The following CSMD1 variants were observed in gnomAD, a reference collection of about 807,000 sequenced individuals.
The protein encoded by CSMD1 is CUB and Sushi multiple domains 1, also known as CUB and sushi domain-containing protein 1.
A neutral mutation model predicts 417.5 loss-of-function variants in CSMD1; 213 were observed. The observed-to-expected ratio is 0.51, with a 90% CI of 0.46 to 0.57. CSMD1 has a LOEUF of 0.57. Among genes scored for constraint, CSMD1 ranks in the 20% least tolerant of loss-of-function variants. The pLI is 0.00. For synonymous variants in CSMD1, 2,862 were observed against 1,736.8 expected, an observed-to-expected ratio of 1.65 and a Z score of -16.11; for missense variants, 6,923 against 4,529.7, an observed-to-expected ratio of 1.53 and a Z score of -15.17.
At chr8:2,998,221 G>A (rs766951899) in intron 53 of CSMD1, 37 bp from the exon 54 acceptor site, 9 of 1,597,876 alleles carry the variant, frequency 5.6e-6, no homozygotes, top group Non-Finnish European at 7.7e-6. Context: ...GTTAAATATT[G>A]AACAGGTCAT....
In CSMD1 at chr8:2,965,973, G is replaced by C. The variant is rs1452899362; in HGVS notation, c.9101-19C>G. On this transcript the variant is annotated intron_variant, in intron 58 of 69. Coordinates refer to ENST00000635120, the MANE Select transcript of CSMD1 (RefSeq NM_033225.6). ...CTTATAACTAATAAACAGGGAACAG[G>C]AAAGAATCAGAGAAATTCATTTACC... 2.5e-6 allele frequency: 4 copies of C among 1,575,712 alleles called. No individual in the cohort carries two copies. The highest frequency in any genetic ancestry group is 3.5e-6 in the Non-Finnish European group (4 of 1,156,564).
chr8:4,973,789 T>G (rs1810383037), intron 1 of CSMD1, among the ~76,000 whole-genome samples: 1 of 152,214 alleles, frequency 6.6e-6, no homozygotes, highest in Admixed American at 6.5e-5. Context: ...ACTTAGAATT[T>G]TATGTAATAA....
At chr8:4,097,748 T>C (rs746493729) in intron 3 of CSMD1, among the ~76,000 whole-genome samples, 5 of 152,204 alleles carry the variant, frequency 3.3e-5, no homozygotes, top group Non-Finnish European at 7.3e-5. Context: ...AAATTCAGTG[T>C]AGTTGTCAAA....
chr8:3,172,507 G>C (rs907038298), intron 37 of CSMD1, among the ~76,000 whole-genome samples: 1 of 152,138 alleles, frequency 6.6e-6, no homozygotes, highest in African/African-American at 2.4e-5. Flanking sequence ...CCCACCTCAA[G>C]AATTTAAATT....
At chr8:4,363,295 C>G (rs1327131024) in intron 3 of CSMD1, among the ~76,000 whole-genome samples, 2 of 152,194 alleles carry the variant, frequency 1.3e-5, no homozygotes, top group Non-Finnish European at 2.9e-5. Flanking sequence ...GTTTTTCCCT[C>G]CTGCCCGTCA....
intron 1 of CSMD1, among the ~76,000 whole-genome samples, chr8:4,759,414 A>C (rs1480617136): frequency 6.6e-6 from 1 of 152,182 alleles, no homozygotes; most frequent in African/African-American, 2.4e-5. Flanking sequence ...TCTCTGAAAA[A>C]ATTTTAAGTT....
intron 5 of CSMD1, among the ~76,000 whole-genome samples, chr8:3,785,394 G>T (rs1046669634): frequency 2.6e-5 from 4 of 152,148 alleles, no homozygotes; most frequent in African/African-American, 9.7e-5. Flanking sequence ...GCCATCAAGG[G>T]TCTGTTCTGG....
intron 5 of CSMD1, among the ~76,000 whole-genome samples, chr8:3,811,751 C>A (rs896629408): frequency 5.9e-5 from 9 of 151,984 alleles, no homozygotes; most frequent in African/African-American, 2.2e-4. Context: ...GAAAGGGAAC[C>A]TCCATGGACA....
chr8:4,965,097 C>T (rs1022759802), intron 1 of CSMD1, among the ~76,000 whole-genome samples: 1 of 152,122 alleles, frequency 6.6e-6, no homozygotes. Context: ...AGGCAAATAG[C>T]TTATGTAATG....
chr8:3,414,064 A>G (rs993434203), intron 12 of CSMD1, among the ~76,000 whole-genome samples: 2 of 150,732 alleles, frequency 1.3e-5, no homozygotes, highest in Admixed American at 1.3e-4. Context: ...ACTTGAAACC[A>G]GGAGGTGGAC....
chr8:3,599,020 G>T (rs1212403209), intron 8 of CSMD1, among the ~76,000 whole-genome samples: 2 of 152,128 alleles, frequency 1.3e-5, no homozygotes, highest in Non-Finnish European at 2.9e-5. Flanking sequence ...GGTAGGGGTT[G>T]CAGTGAGCAG....
chr8:4,429,243 C>T (rs535498060), intron 2 of CSMD1, among the ~76,000 whole-genome samples: 61 of 151,946 alleles, frequency 4.0e-4, no homozygotes, highest in Non-Finnish European at 6.6e-4. Context: ...TTAAAAACAT[C>T]ATGAGATTTC....
chr8:3,632,060 G>GT (rs1244648565), intron 7 of CSMD1, among the ~76,000 whole-genome samples: 16 of 152,180 alleles, frequency 1.1e-4, no homozygotes, highest in African/African-American at 3.9e-4. Context: ...GAAAGTAATT[G>GT]TTTTTTTCTC....
chr8:4,459,764 C>G (rs1799696661), intron 2 of CSMD1, among the ~76,000 whole-genome samples: 1 of 152,148 alleles, frequency 6.6e-6, no homozygotes, highest in South Asian at 2.1e-4. Flanking sequence ...CCTCTAGCCT[C>G]CAGAACTATG....
At chr8:4,221,300 T>A (rs1801015187) in intron 3 of CSMD1, among the ~76,000 whole-genome samples, 1 of 150,834 alleles carries the variant, frequency 6.6e-6, no homozygotes, top group Non-Finnish European at 1.5e-5. Flanking sequence ...GCATATTGAA[T>A]ACACTCATGG....
chr8:3,535,705 C>CT (rs1386224920), intron 10 of CSMD1, among the ~76,000 whole-genome samples: 5 of 152,238 alleles, frequency 3.3e-5, no homozygotes, highest in African/African-American at 1.2e-4. Context: ...CCCCTCATTG[C>CT]TTTTTTGTTA....
intron 1 of CSMD1, among the ~76,000 whole-genome samples, chr8:4,667,404 T>G (rs78996694): frequency 6.6e-6 from 1 of 152,244 alleles, no homozygotes; most frequent in South Asian, 2.1e-4. Context: ...TGCTGATATT[T>G]TGATTTGGAT....
At chr8:3,696,499 C>T (rs541784103) in intron 7 of CSMD1, among the ~76,000 whole-genome samples, 95 of 152,126 alleles carry the variant, frequency 6.2e-4, no homozygotes, top group African/African-American at 1.3e-3. Context: ...ACGGATGTGA[C>T]GAAAGAAATG....
chr8:4,383,377 T>G (rs78323114), intron 3 of CSMD1, among the ~76,000 whole-genome samples: 12,714 of 152,182 alleles, frequency 0.084, 692 homozygotes, highest in South Asian at 0.19. Flanking sequence ...ATGGAAATGT[T>G]TACTTGGGGG....
Sources: allele counts gnomAD v4.1 joint callset (sites outside exome capture counted in the v4.1 genomes callset), GRCh38; gene constraint gnomAD v4.1.1; transcripts MANE v1.5; gene names NCBI Gene and HGNC (gene_info 2026-07-23, HGNC 2026-07-21).